Variants in KALRN observed in about 807,000 individuals in gnomAD.
The protein encoded by KALRN is kalirin.
KALRN carries 70 observed loss-of-function variants against 353.7 expected under a neutral mutation model. The observed-to-expected ratio is 0.20, with a 90% CI of 0.16 to 0.24. The LOEUF (loss-of-function observed/expected upper bound fraction) is 0.24. KALRN is among the 10% of genes least tolerant of loss of function. The pLI is 1.00. For missense variants in KALRN, 2,791 were observed against 3,756.7 expected, an observed-to-expected ratio of 0.74 and a Z score of 6.72; for synonymous variants, 1,391 against 1,434.8, an observed-to-expected ratio of 0.97 and a Z score of 0.69.
chr3:124,359,135 C>T (rs1043490230), intron 10 of KALRN, among the ~76,000 whole-genome samples: 1 of 152,198 alleles, frequency 6.6e-6, no homozygotes, highest in Non-Finnish European at 1.5e-5. Context: ...CATGGTCCTC[C>T]TTGACATCTT....
Position 124,496,022 on chromosome 3 carries a change from T to C in KALRN, c.4833-289T>C, listed in dbSNP as rs56913330. On this transcript the variant is annotated intron_variant, in intron 32 of 59. Transcript: ENST00000682506. The stretch of plus-strand genomic sequence containing the variant: ...ATATATATATATATATACACACACA[T>C]ATATACATACATACACCCCCTCTGC... Among the ~76,000 whole-genome samples, 191 of 107,726 alleles carry C rather than the reference T, an allele frequency of 1.8e-3. 4 individuals carry two copies. The highest frequency in any genetic ancestry group is 3.2e-3 in the Non-Finnish European group (172 of 53,028). 70.7% of individuals were successfully genotyped at this position (107,726 alleles called of 152,430 possible). A position where few individuals can be genotyped will look rare whatever the true frequency, so the allele number is the denominator to read the frequency against.
At chr3:124,700,117 A>C (rs1559867323) in intron 56 of KALRN, 84 bp downstream of exon 56, 2 of 1,345,020 alleles carry the variant, frequency 1.5e-6, no homozygotes, top group Non-Finnish European at 2.1e-6. Context: ...GCACGTTGAC[A>C]TGTCAGGCCA....
chr3:124,067,478 C>CAA (rs1245063295), intron 1 of KALRN, among the ~76,000 whole-genome samples: 6 of 151,956 alleles, frequency 3.9e-5, no homozygotes, highest in Non-Finnish European at 8.8e-5. Context: ...CAATTTAAAG[C>CAA]ACACAGCAAA....
chr3:124,511,412 C>T (rs2065889079), intron 33 of KALRN, among the ~76,000 whole-genome samples: 2 of 152,330 alleles, frequency 1.3e-5, no homozygotes, highest in Middle Eastern at 3.4e-3. Context: ...ATTCCATCCA[C>T]AGCTTTGTCT....
intron 1 of KALRN, among the ~76,000 whole-genome samples, chr3:124,047,291 C>T (rs947611146): frequency 3.3e-5 from 5 of 152,234 alleles, no homozygotes; most frequent in African/African-American, 1.2e-4. Context: ...ATCACATGAT[C>T]TTTGTCCCTG....
At chr3:124,512,702 G>A (rs2066068689) in intron 33 of KALRN, among the ~76,000 whole-genome samples, 1 of 151,438 alleles carries the variant, frequency 6.6e-6, no homozygotes, top group South Asian at 2.1e-4. Context: ...ACATGAAGGG[G>A]GAATATGTAT....
chr3:124,267,302 T>A (rs1250415984), intron 4 of KALRN, among the ~76,000 whole-genome samples: 1 of 152,218 alleles, frequency 6.6e-6, no homozygotes, highest in Non-Finnish European at 1.5e-5. Context: ...TCAAGTTTAA[T>A]GCACACAAAT....
chr3:124,539,930 G>GGC (rs1393688015), intron 33 of KALRN, among the ~76,000 whole-genome samples: 1 of 150,700 alleles, frequency 6.6e-6, no homozygotes, highest in African/African-American at 2.4e-5. Flanking sequence ...TTTGGGGGGG[G>GGC]GGACAGGGTC....
chr3:124,315,049 C>A (rs2078675794), intron 6 of KALRN, among the ~76,000 whole-genome samples: 1 of 152,166 alleles, frequency 6.6e-6, no homozygotes, highest in South Asian at 2.1e-4. Flanking sequence ...GTCCCCCTGA[C>A]CCAAACAAGT....
intron 1 of KALRN, among the ~76,000 whole-genome samples, chr3:124,147,555 T>C (rs776562841): frequency 6.6e-6 from 1 of 152,190 alleles, no homozygotes; most frequent in South Asian, 2.1e-4. Flanking sequence ...TAATTATACC[T>C]TCATAGGAAG....
At chr3:124,416,513 G>A (rs2092507044) in intron 14 of KALRN, among the ~76,000 whole-genome samples, 1 of 152,248 alleles carries the variant, frequency 6.6e-6, no homozygotes, top group South Asian at 2.1e-4. Context: ...TCCTACCACA[G>A]CTAGCTGTTT....
At chr3:124,044,916 T>C (rs547582855) in intron 1 of KALRN, among the ~76,000 whole-genome samples, 1 of 145,878 alleles carries the variant, frequency 6.9e-6, no homozygotes, top group Non-Finnish European at 1.5e-5. Flanking sequence ...CTTCCTTCTC[T>C]TCCTTCTCTT....
chr3:124,046,675 G>A (rs1166380131), intron 1 of KALRN, among the ~76,000 whole-genome samples: 1 of 152,168 alleles, frequency 6.6e-6, no homozygotes. Context: ...TCTAGGGTGA[G>A]GATGAGGTGT....
intron 34 of KALRN, among the ~76,000 whole-genome samples, chr3:124,629,205 C>T (rs918195848): frequency 6.6e-6 from 1 of 152,170 alleles, no homozygotes; most frequent in Non-Finnish European, 1.5e-5. Flanking sequence ...AGAGACAACT[C>T]ACCTTTGATT....
At position 124,500,096 on chromosome 3, in the gene KALRN, G is replaced by A. The variant is rs183855472; in HGVS notation, c.4935+3683G>A. Among the ~76,000 whole-genome samples, 55 of 152,240 alleles carry A rather than the reference G, an allele frequency of 3.6e-4. 1 individual carries two copies. Among genetic ancestry groups the A allele is most frequent in the Non-Finnish European group, 1.2e-4 (8 of 68,026 alleles). On this transcript the variant is annotated intron_variant, in intron 33 of 59. Coordinates refer to ENST00000682506, the MANE Select transcript of KALRN (RefSeq NM_001388419.1). ...TGTTCCAGGACTAGCTGCTGTGTGC[G>A]GATCCTCCTTAAGGTATGCCATGTT...
rs1472346623 is a variant in KALRN at position 124,719,606 on chromosome 3, C to T, written c.*136C>T. 1 of 823,624 alleles carries T rather than the reference C, an allele frequency of 1.2e-6. No homozygotes were observed. The highest frequency in any genetic ancestry group is 1.9e-6 in the Non-Finnish European group (1 of 536,444). The allele number at this position is 823,624 out of a possible 1,614,324, so 51.0% of individuals were successfully genotyped here. A position where few individuals can be genotyped will look rare whatever the true frequency, so the allele number is the denominator to read the frequency against. The stretch of plus-strand genomic sequence containing the variant: ...ATTGAGAGATGTACCTCTTAAACCT[C>T]GTCAGTGGTTATTCAGGGTCTGAGC... On this transcript the variant is annotated 3_prime_UTR_variant, in exon 60 of 60. Coordinates refer to ENST00000682506, the MANE Select transcript of KALRN (RefSeq NM_001388419.1). This position sits in a 1 kb window ranked among gnomAD's most constrained non-coding sequence, Gnocchi z 5.3.
intron 42 of KALRN, 42 bp from the exon 43 acceptor site, chr3:124,659,323 C>A (rs1278696317): frequency 7.3e-7 from 1 of 1,367,614 alleles, no homozygotes; most frequent in South Asian, 1.2e-5. Context: ...CACCCCAGTT[C>A]TTCAGTTCCT....
Position 124,713,488 on chromosome 3 carries a change from C to T in KALRN, c.8276+353C>T, listed in dbSNP as rs566864059. On this transcript the variant is annotated intron_variant, in intron 58 of 59. Transcript: ENST00000682506. ...AGCTTGTCGACAGTAGGCTGATTGA[C>T]AGGGTGGAGTTGAAAGACAGGGCTC... Among the ~76,000 whole-genome samples the T allele has an allele frequency of 4.6e-5, 7 of 152,204 alleles. No individual in the cohort carries two copies. The East Asian group carries it at 1.4e-3, about 29-fold the overall frequency.
intron 34 of KALRN, among the ~76,000 whole-genome samples, chr3:124,580,454 T>C (rs2074520052): frequency 2.0e-5 from 3 of 152,198 alleles, no homozygotes; most frequent in Admixed American, 1.3e-4. Flanking sequence ...CTAATATTTT[T>C]AAATGCTTCC....
Sources: gnomAD v4.1 joint callset for allele counts (sites outside exome capture counted in the v4.1 genomes callset) on GRCh38, gnomAD v4.1.1 for gene constraint, Gnocchi (gnomAD v3.1) non-coding constraint, MANE v1.5 for transcripts, NCBI Gene and HGNC (gene_info 2026-07-23, HGNC 2026-07-21) for gene names.